The following SORCS2 variants were observed in gnomAD, a reference collection of about 807,000 sequenced individuals.
SORCS2 encodes VPS10 domain-containing receptor SorCS2.
SORCS2 carries 100 observed loss-of-function variants against 141.6 expected under a neutral mutation model. The ratio of observed to expected loss-of-function variants is 0.71; its 90% confidence interval spans 0.60 to 0.83. SORCS2 has a LOEUF of 0.83. Among genes scored for constraint, SORCS2 ranks in the 40% least tolerant of loss-of-function variants. The pLI, the probability that SORCS2 is intolerant of heterozygous loss-of-function variation, is 0.00. For missense variants in SORCS2, 1,646 were observed against 1,560.2 expected (o/e 1.05, Z -0.93); for synonymous variants, 789 against 676.9 (o/e 1.17, Z -2.57).
chr4:7,678,648 TGA>T (rs1560477411), intron 9 of SORCS2, among the ~76,000 whole-genome samples: 1 of 141,962 alleles, frequency 7.0e-6, no homozygotes, highest in East Asian at 2.2e-4. Context: ...GGCCTCAAGG[TGA>T]GAGGAAGCAA....
intron 2 of SORCS2, among the ~76,000 whole-genome samples, chr4:7,453,604 A>T (rs1275364554): frequency 2.2e-4 from 14 of 64,954 alleles, no homozygotes; most frequent in East Asian, 5.0e-4. Flanking sequence ...TGGGGTCAGG[A>T]GCTGTGTGTT....
intron 1 of SORCS2, among the ~76,000 whole-genome samples, chr4:7,273,547 G>A (rs1381268740): frequency 6.6e-6 from 1 of 152,212 alleles, no homozygotes; most frequent in Non-Finnish European, 1.5e-5. Context: ...CCCTCAGCAT[G>A]TGGGGGTGGA....
At chr4:7,294,491 CTGCCCCAGGGAGCTCCTCCTCCA>C (rs547369799) in intron 1 of SORCS2, among the ~76,000 whole-genome samples, 2,369 of 151,840 alleles carry the variant, frequency 0.016, 57 homozygotes, top group African/African-American at 0.052. Context: ...TGCAGAGCAC[CTGCCCCAGGGAGCTCCTCCTCCA>C]TGCCCCAGGG....
chr4:7,337,493 G>A (rs554405543), intron 1 of SORCS2, among the ~76,000 whole-genome samples: 22 of 152,230 alleles, frequency 1.4e-4, no homozygotes, highest in African/African-American at 3.4e-4. Context: ...AGGTAGCAGG[G>A]AGCGCAGGTG....
rs769622506 is a variant in SORCS2, at chr4:7,233,047, A to G, written c.480+39921A>G. 1.3e-5 allele frequency among the ~76,000 whole-genome samples: 2 copies of G among 152,274 alleles called. No homozygotes were observed. The highest frequency in any genetic ancestry group is 2.9e-5 in the Non-Finnish European group (2 of 68,008). Reference sequence around the variant, plus strand: ...GAACCTCCCAGAGGCTTTCTGGGGCATGGGTCAGCTGAGCCCAGGAGTCAG... The same window carrying G: ...GAACCTCCCAGAGGCTTTCTGGGGCGTGGGTCAGCTGAGCCCAGGAGTCAG... On this transcript the variant is annotated intron_variant, in intron 1 of 26. Coordinates refer to ENST00000507866, the MANE Select transcript of SORCS2 (RefSeq NM_020777.3). The surrounding 1 kb of genome is among the most constrained non-coding windows in gnomAD (Gnocchi z 4.5).
chr4:7,547,235 C>T (rs1455675150), intron 3 of SORCS2, among the ~76,000 whole-genome samples: 1 of 152,194 alleles, frequency 6.6e-6, no homozygotes, highest in African/African-American at 2.4e-5. Flanking sequence ...GTCTCCATTT[C>T]CTCACTGCTG....
At chr4:7,345,529 A>G (rs1226628456) in intron 1 of SORCS2, among the ~76,000 whole-genome samples, 1 of 152,156 alleles carries the variant, frequency 6.6e-6, no homozygotes, top group African/African-American at 2.4e-5. Context: ...ATAGCTGAGT[A>G]TGACTCCAGT....
At chr4:7,459,039 C>T (rs367785111) in intron 2 of SORCS2, among the ~76,000 whole-genome samples, 33 of 152,136 alleles carry the variant, frequency 2.2e-4, no homozygotes, top group South Asian at 1.2e-3. Flanking sequence ...TCCTAAGGCG[C>T]GTGGCAAAGG....
chr4:7,234,582 T>C (rs1329612075), intron 1 of SORCS2, among the ~76,000 whole-genome samples: 3 of 152,194 alleles, frequency 2.0e-5, no homozygotes. Context: ...GTCCCTGAGC[T>C]TGGAGGAGAT....
intron 3 of SORCS2, among the ~76,000 whole-genome samples, chr4:7,555,283 G>T (rs139850247): frequency 6.6e-6 from 1 of 152,210 alleles, no homozygotes; most frequent in African/African-American, 2.4e-5. Context: ...AGGTGCAATC[G>T]CTGTGAAATT....
chr4:7,432,336 T>C (rs73796584), intron 2 of SORCS2: 1 of 151,322 alleles, frequency 6.6e-6, no homozygotes, highest in Non-Finnish European at 1.5e-5. Context: ...CTGAGATGGG[T>C]TTTCTGGTCC....
intron 3 of SORCS2, among the ~76,000 whole-genome samples, chr4:7,573,414 TAAGTAA>T (rs896765592): frequency 2.0e-5 from 3 of 152,262 alleles, no homozygotes; most frequent in African/African-American, 7.2e-5. Flanking sequence ...GTCTGGTTCC[TAAGTAA>T]AAGTAAAGGC....
intron 2 of SORCS2, among the ~76,000 whole-genome samples, chr4:7,520,975 T>G (rs576717071): frequency 1.3e-5 from 2 of 152,322 alleles, no homozygotes; most frequent in African/African-American, 4.8e-5. Flanking sequence ...CCTGGGAAGC[T>G]CAGAGAAGAC....
In SORCS2 at chr4:7,286,243, C is replaced by T. The variant is rs558120034; in HGVS notation, c.480+93117C>T. ...TCCTCGCGTGGGAAGTGGGCACAGC[C>T]TCATGGTGTCTCCGTAGAAAGAAGA... On this transcript the variant is annotated intron_variant, in intron 1 of 26. Transcript: ENST00000507866. The surrounding 1 kb of genome is among the most constrained non-coding windows in gnomAD (Gnocchi z 4.1). 4.6e-5 allele frequency among the ~76,000 whole-genome samples: 7 copies of T among 152,312 alleles called. No individual in the cohort carries two copies. The East Asian group carries it at 1.4e-3, about 29-fold the overall frequency.
intron 3 of SORCS2, among the ~76,000 whole-genome samples, chr4:7,602,495 C>T (rs1424563672): frequency 1.4e-5 from 2 of 145,360 alleles, no homozygotes; most frequent in East Asian, 2.1e-4. Context: ...GGGGCAGAGG[C>T]GCTCCCCACA....
intron 20 of SORCS2, among the ~76,000 whole-genome samples, chr4:7,725,591 C>T (rs1727162448): frequency 6.6e-6 from 1 of 152,164 alleles, no homozygotes; most frequent in African/African-American, 2.4e-5. Context: ...GGTAGGTGGG[C>T]TGCATGAGAG....
intron 3 of SORCS2, among the ~76,000 whole-genome samples, chr4:7,603,601 A>G (rs2108797664): frequency 6.6e-6 from 1 of 152,274 alleles, no homozygotes; most frequent in African/African-American, 2.4e-5. Context: ...TATTTCTTTA[A>G]ACATGTGAAC....
chr4:7,596,221 G>C (rs943254776), intron 3 of SORCS2, among the ~76,000 whole-genome samples: 4 of 152,142 alleles, frequency 2.6e-5, no homozygotes, highest in African/African-American at 9.7e-5. Context: ...TGCAATCTAG[G>C]ATGTCCAAAA....
chr4:7,414,299 C>T (rs1470861678), intron 2 of SORCS2, among the ~76,000 whole-genome samples: 2 of 152,256 alleles, frequency 1.3e-5, no homozygotes, highest in Middle Eastern at 3.4e-3. Context: ...TAAGGAGCCC[C>T]GTCCTACCCC....
Sources: gnomAD v4.1 joint callset for allele counts (sites outside exome capture counted in the v4.1 genomes callset) on GRCh38, gnomAD v4.1.1 for gene constraint, Gnocchi (gnomAD v3.1) non-coding constraint, MANE v1.5 for transcripts, NCBI Gene and HGNC (gene_info 2026-07-23, HGNC 2026-07-21) for gene names.